Variants in HNRNPF observed in about 807,000 individuals in gnomAD.
The protein encoded by HNRNPF is heterogeneous nuclear ribonucleoprotein F.
In HNRNPF, 2 loss-of-function variants were observed where a neutral mutation model predicts 26.0. The observed-to-expected ratio is 0.08, with a 90% confidence interval of 0.03 to 0.24. The LOEUF is 0.24. Ranked by LOEUF, HNRNPF falls within the 10% of genes least tolerant of loss-of-function variation. HNRNPF has a pLI of 1.00. For synonymous variants in HNRNPF, 234 were observed against 211.5 expected, an observed-to-expected ratio of 1.11 and a Z score of -0.92; for missense variants, 299 against 539.2, an observed-to-expected ratio of 0.55 and a Z score of 4.41.
At position 43,386,593 on chromosome 10, in the gene HNRNPF, T is replaced by A; in HGVS notation, c.*44A>T. ...TAACTGCTCTTAATTGCTTGTTGGC[T>A]GCCTGTGAAAATGATTGAAGTAACT... is the stretch of plus-strand genomic sequence containing the variant. On this transcript the variant is annotated 3_prime_UTR_variant, in exon 4 of 4. Transcript: ENST00000682386. 2.0e-6 allele frequency: 3 copies of A among 1,493,968 alleles called. No homozygotes were observed. Among genetic ancestry groups the A allele is most frequent in the Non-Finnish European group, 2.7e-6 (3 of 1,124,050 alleles). The allele number at this position is 1,493,968 out of a possible 1,614,324, so 92.5% of individuals were successfully genotyped here.
At chr10:43,398,122 G>A (rs12416097) in intron 1 of HNRNPF, among the ~76,000 whole-genome samples, 1 of 151,966 alleles carries the variant, frequency 6.6e-6, no homozygotes, top group Non-Finnish European at 1.5e-5. Context: ...CTGCCTCCTG[G>A]GTTAAGGCGA....
intron 1 of HNRNPF, among the ~76,000 whole-genome samples, chr10:43,404,999 TAAGA>T (rs910279321): frequency 7.2e-5 from 11 of 152,128 alleles, no homozygotes; most frequent in African/African-American, 2.7e-4. Flanking sequence ...TGGAGCCTTT[TAAGA>T]AAGGGGAACC....
At chr10:43,390,324 C>T (rs1212447795) in intron 3 of HNRNPF, among the ~76,000 whole-genome samples, 2 of 152,156 alleles carry the variant, frequency 1.3e-5, no homozygotes, top group South Asian at 2.1e-4. Context: ...TTTGACCATA[C>T]CCTGGTCTTG....
intron 3 of HNRNPF, among the ~76,000 whole-genome samples, chr10:43,392,942 C>T (rs1838312010): frequency 6.6e-6 from 1 of 152,196 alleles, no homozygotes; most frequent in African/African-American, 2.4e-5. Context: ...ACTCCAATAG[C>T]AACATGACTG....
intron 1 of HNRNPF, among the ~76,000 whole-genome samples, chr10:43,407,434 G>A (rs1415504932): frequency 1.3e-5 from 2 of 152,192 alleles, no homozygotes; most frequent in East Asian, 1.9e-4. Context: ...GGAGCCGAGC[G>A]GGGGTCCCAG....
chr10:43,385,827 C>T lies in HNRNPF; in HGVS notation c.*810G>A, dbSNP rs1353819425. ...TTGATGCTTCCCAGAATGTGTGCTG[C>T]TAGTCACCATTTCCACCATTCACAT... On this transcript the variant is annotated 3_prime_UTR_variant, in exon 4 of 4. Coordinates refer to ENST00000682386, the MANE Select transcript of HNRNPF (RefSeq NM_001098204.2). The T allele has an allele frequency of 1.3e-5, 2 of 152,252 alleles. No homozygotes were observed. The highest frequency in any genetic ancestry group is 4.8e-5 in the African/African-American group (2 of 41,434). The allele number at this position is 152,252 out of a possible 1,614,324, so 9.4% of individuals were successfully genotyped here.
At chr10:43,392,845 C>T (rs1428871906) in intron 3 of HNRNPF, among the ~76,000 whole-genome samples, 1 of 152,180 alleles carries the variant, frequency 6.6e-6, no homozygotes, top group Non-Finnish European at 1.5e-5. Context: ...GTCTTCGGCT[C>T]CCTGAAGCCT....
chr10:43,391,630 T>C (rs1838252266), intron 3 of HNRNPF, among the ~76,000 whole-genome samples: 1 of 151,906 alleles, frequency 6.6e-6, no homozygotes, highest in East Asian at 1.9e-4. Flanking sequence ...TGGTTGACAT[T>C]ACTCTTGGAA....
At chr10:43,389,975 T>C (rs191733982) in intron 3 of HNRNPF, among the ~76,000 whole-genome samples, 5 of 152,284 alleles carry the variant, frequency 3.3e-5, no homozygotes, top group Non-Finnish European at 7.4e-5. Context: ...TATCCCCAAT[T>C]CTCAAACTGT....
intron 1 of HNRNPF, chr10:43,396,892 GGGGGAGGGGAGGGGAGGGGA>G (rs370667436): frequency 5.5e-4 from 58 of 104,600 alleles, no homozygotes; most frequent in Admixed American, 2.5e-3. Context: ...CCTCGCGGGA[GGGGGAGGGGAGGGGAGGGGA>G]GGGGAGGGGG....
At chr10:43,407,929 A>C (rs1838983442) in intron 1 of HNRNPF, 1 of 152,092 alleles carries the variant, frequency 6.6e-6, no homozygotes, top group South Asian at 2.1e-4. Flanking sequence ...TATTATTACT[A>C]TTATTACTTC....
At chr10:43,405,671 A>T (rs1371912883) in intron 1 of HNRNPF, among the ~76,000 whole-genome samples, 2 of 151,962 alleles carry the variant, frequency 1.3e-5, no homozygotes, top group East Asian at 1.9e-4. Flanking sequence ...AAAAAAAAAA[A>T]TTTAATACAG....
intron 3 of HNRNPF, among the ~76,000 whole-genome samples, chr10:43,389,761 G>GC (rs1838169849): frequency 1.3e-5 from 2 of 152,202 alleles, no homozygotes; most frequent in African/African-American, 2.4e-5. Flanking sequence ...GATTTGGAAT[G>GC]CAAGGGCTTT....
intron 2 of HNRNPF, 21 bp downstream of exon 2, chr10:43,396,435 A>G (rs1320298200): frequency 6.6e-6 from 1 of 152,118 alleles, no homozygotes; most frequent in Non-Finnish European, 1.5e-5. Context: ...GGGCCCGCGG[A>G]CTTTCATGCT....
chr10:43,390,470 T>A (rs774081237), intron 3 of HNRNPF, among the ~76,000 whole-genome samples: 2 of 152,066 alleles, frequency 1.3e-5, no homozygotes, highest in African/African-American at 4.8e-5. Flanking sequence ...CCTCCAATGA[T>A]TTCACCATTC....
Position 43,386,783 on chromosome 10 carries a change from T to C in HNRNPF, c.1102A>G (p.Ser368Gly). ...ELFLNSTTGA[S>G]NGAYSSQVMQ... ...ACCTGGCTGCTATACGCCCCATTGC[T>C]GGCCCCTGTTGTTGAATTCAAGAAG... is the stretch of plus-strand genomic sequence containing the variant. Residue 368 changes from serine to glycine, a missense_variant, in exon 4 of 4, where the codon AGC becomes GGC. By Grantham distance (56) the Ser-to-Gly change is moderately conservative (BLOSUM62 0). Transcript: ENST00000682386. 6.2e-7 allele frequency: 1 copy of C among 1,614,198 alleles called. No homozygotes were observed. Among genetic ancestry groups the C allele is most frequent in the Non-Finnish European group, 8.5e-7 (1 of 1,180,042 alleles).
At chr10:43,395,317 TCA>T (rs897418547) in intron 2 of HNRNPF, among the ~76,000 whole-genome samples, 14 of 152,258 alleles carry the variant, frequency 9.2e-5, no homozygotes, top group African/African-American at 3.1e-4. Flanking sequence ...AAAGACACTT[TCA>T]GTTTTATTGG....
Position 43,387,947 on chromosome 10 carries a change from A to G in HNRNPF, c.-52-11T>C. ...GTGGCTTTTTTGTGGCTGGAAAAAA[A>G]AAAAAGAAAAATTTATTTAGTATGC... On this transcript the variant is annotated splice_polypyrimidine_tract_variant and intron_variant, in intron 3 of 3. Coordinates refer to ENST00000682386, the MANE Select transcript of HNRNPF (RefSeq NM_001098204.2). The surrounding 1 kb of genome is among the most constrained non-coding windows in gnomAD (Gnocchi z 6.0). 7.1e-7 allele frequency: 1 copy of G among 1,416,120 alleles called. No individual in the cohort carries two copies. The highest frequency in any genetic ancestry group is 2.3e-5 in the East Asian group (1 of 43,462). The allele number at this position is 1,416,120 out of a possible 1,614,324, so 87.7% of individuals were successfully genotyped here. A position where few individuals can be genotyped will look rare whatever the true frequency, so the allele number is the denominator to read the frequency against.
rs901023055 is a variant in HNRNPF, at chr10:43,387,967, G to T, written c.-52-31C>A. The T allele has an allele frequency of 3.4e-6, 4 of 1,193,576 alleles. No individual in the cohort carries two copies. Among genetic ancestry groups the T allele is most frequent in the Admixed American group, 5.1e-5 (2 of 39,030 alleles). 73.9% of individuals were successfully genotyped at this position (1,193,576 alleles called of 1,614,324 possible). ...AAAAAAAAAAAGAAAAATTTATTTA[G>T]TATGCAACAGAAATTTTCCCCATTT... is the stretch of plus-strand genomic sequence containing the variant. On this transcript the variant is annotated intron_variant, in intron 3 of 3. Transcript: ENST00000682386. The surrounding 1 kb of genome is among the most constrained non-coding windows in gnomAD (Gnocchi z 6.0).
Sources: gnomAD v4.1 joint callset for allele counts (sites outside exome capture counted in the v4.1 genomes callset) on GRCh38, gnomAD v4.1.1 for gene constraint, Gnocchi (gnomAD v3.1) non-coding constraint, MANE v1.5 for transcripts, NCBI Gene and HGNC (gene_info 2026-07-23, HGNC 2026-07-21) for gene names.